The following SUN5 variants were observed in gnomAD, a reference collection of about 807,000 sequenced individuals.
SUN5 encodes the protein Sad1 and UNC84 domain containing 5, also known as SUN domain-containing protein 5.
A neutral mutation model predicts 53.7 loss-of-function variants in SUN5; 44 were observed. The ratio of observed to expected loss-of-function variants is 0.82; its 90% CI spans 0.64 to 1.05. The LOEUF (loss-of-function observed/expected upper bound fraction) is 1.05, where lower values mean the gene tolerates loss of function less well. Ranked by LOEUF, SUN5 falls within the 50% of genes least tolerant of loss-of-function variation. The probability of loss-of-function intolerance (pLI) is 0.00; values close to 1 mark genes in which losing one functional copy is unlikely to be tolerated. For synonymous variants in SUN5, 166 were observed against 179.8 expected (o/e 0.92, Z 0.62); for missense variants, 433 against 483.8 (o/e 0.90, Z 0.98).
At chr20:32,990,129 A>G (rs1989674052) in intron 8 of SUN5, among the ~76,000 whole-genome samples, 1 of 152,140 alleles carries the variant, frequency 6.6e-6, no homozygotes, top group African/African-American at 2.4e-5. Flanking sequence ...GGCTTCACAT[A>G]TGCTCACCCT....
At chr20:33,001,534 C>CTTTCTTTCT (rs1568970852) in intron 3 of SUN5, among the ~76,000 whole-genome samples, 1 of 134,174 alleles carries the variant, frequency 7.5e-6, no homozygotes, top group Admixed American at 6.9e-5. Context: ...TTCTTTCTTT[C>CTTTCTTTCT]TTTCTTTCTT....
intron 6 of SUN5, among the ~76,000 whole-genome samples, chr20:32,997,024 T>C (rs945971468): frequency 6.6e-6 from 1 of 152,224 alleles, no homozygotes; most frequent in East Asian, 1.9e-4. Flanking sequence ...GAGACAGTCA[T>C]GACCACAGAA....
intron 10 of SUN5, 64 bp downstream of exon 10, chr20:32,987,596 C>A: frequency 1.4e-6 from 2 of 1,396,032 alleles, no homozygotes; most frequent in Non-Finnish European, 2.0e-6. Flanking sequence ...CTGCCAGCTC[C>A]TGTCCCCAAA....
intron 1 of SUN5, among the ~76,000 whole-genome samples, chr20:33,003,430 C>A (rs1227356612): frequency 6.6e-6 from 1 of 152,092 alleles, no homozygotes; most frequent in East Asian, 1.9e-4. Flanking sequence ...TGCGTGACAC[C>A]TGAAACTGTG....
intron 9 of SUN5, among the ~76,000 whole-genome samples, chr20:32,988,019 G>A (rs759094076): frequency 2.6e-5 from 4 of 151,992 alleles, no homozygotes; most frequent in Non-Finnish European, 5.9e-5. Flanking sequence ...TTGCAGTGGC[G>A]CGATCTTGGC....
At chr20:32,988,961 T>TG (rs1299545654) in intron 9 of SUN5, among the ~76,000 whole-genome samples, 2 of 151,910 alleles carry the variant, frequency 1.3e-5, no homozygotes, top group Non-Finnish European at 2.9e-5. Flanking sequence ...AGTCTCTCTC[T>TG]GTCGCCCAGG....
intron 12 of SUN5, among the ~76,000 whole-genome samples, chr20:32,984,476 G>A (rs1332318266): frequency 6.6e-6 from 1 of 152,184 alleles, no homozygotes; most frequent in East Asian, 1.9e-4. Flanking sequence ...AAAAAGTGGG[G>A]CGGGCTTGGC....
intron 7 of SUN5, 50 bp downstream of exon 7, chr20:32,996,274 T>C (rs778484380): frequency 1.9e-6 from 3 of 1,594,800 alleles, no homozygotes; most frequent in African/African-American, 2.7e-5. Flanking sequence ...ATTCTGGCTA[T>C]AGCTCTGCTT....
intron 3 of SUN5, among the ~76,000 whole-genome samples, chr20:33,001,566 T>TTTCTTTCCTTC (rs1568970962): frequency 8.8e-5 from 4 of 45,636 alleles, no homozygotes; most frequent in Admixed American, 2.5e-4. Context: ...TTCTTTCTTT[T>TTTCTTTCCTTC]CTTCCTTCCT....
chr20:32,997,212 CA>C (rs752454222), intron 6 of SUN5, among the ~76,000 whole-genome samples: 18 of 152,192 alleles, frequency 1.2e-4, no homozygotes, highest in Non-Finnish European at 2.1e-4. Flanking sequence ...AGACTTTTTG[CA>C]GACCTCATGT....
intron 5 of SUN5, chr20:32,999,767 G>T: frequency 2.8e-6 from 2 of 722,308 alleles, no homozygotes; most frequent in Non-Finnish European, 4.4e-6. Flanking sequence ...TCCTTTGCTT[G>T]GGAAAGCTAA....
At chr20:32,986,507 C>G (rs1332255462) in intron 10 of SUN5, among the ~76,000 whole-genome samples, 2 of 152,140 alleles carry the variant, frequency 1.3e-5, no homozygotes, top group Non-Finnish European at 2.9e-5. Flanking sequence ...CATGGACAGT[C>G]CTTATTTGAA....
In SUN5 at chr20:32,989,643, G is replaced by C; in HGVS notation, c.590C>G (p.Pro197Arg). The part of the protein sequence containing the change: ...KMIHGDYIEK[P>R]DFALKSIGAS... ...ACCTATAGACTTCAGGGCAAAGTCT[G>C]GCTTTTCGATGTAATCTCCGTGTAT... Residue 197 changes from proline (P) to arginine (R), a missense_variant, in exon 9 of 13, where the codon CCA (proline) becomes CGA (arginine). By Grantham distance (103) the Pro-to-Arg change is moderately radical. Transcript: ENST00000356173. The C allele has an allele frequency of 6.2e-7, 1 of 1,614,000 alleles. No homozygotes were observed. Among genetic ancestry groups the C allele is most frequent in the Non-Finnish European group, 8.5e-7 (1 of 1,180,006 alleles).
chr20:32,990,143 C>T (rs1386727421), intron 8 of SUN5, among the ~76,000 whole-genome samples: 1 of 152,136 alleles, frequency 6.6e-6, no homozygotes, highest in African/African-American at 2.4e-5. Context: ...TCACCCTATC[C>T]CCTCCCAGCA....
intron 3 of SUN5, among the ~76,000 whole-genome samples, chr20:33,001,507 TTTTCTTTCTTTCTTCTTTC>T (rs1443778898): frequency 3.3e-4 from 9 of 27,068 alleles, no homozygotes; most frequent in East Asian, 1.6e-3. Flanking sequence ...TTAACAGACA[TTTTCTTTCTTTCTTCTTTC>T]TTTCTTTCTT....
At chr20:32,984,192 T>C (rs902200740) in intron 12 of SUN5, among the ~76,000 whole-genome samples, 7 of 152,144 alleles carry the variant, frequency 4.6e-5, no homozygotes, top group Admixed American at 4.6e-4. Flanking sequence ...TGCTGTGGGA[T>C]CTTGGGCAAA....
chr20:33,004,312 TC>T lies in SUN5; in HGVS notation c.28del (p.Asp10ThrfsTer36). 6.4e-7 allele frequency: 1 copy of T among 1,573,910 alleles called. No homozygotes were observed. Among genetic ancestry groups the T allele is most frequent in the Non-Finnish European group, 8.6e-7 (1 of 1,159,336 alleles). On this transcript the variant is annotated frameshift_variant, in exon 1 of 13. Transcript: ENST00000356173. LOFTEE classifies it high-confidence loss of function. MPRSSRSPG[D>X]PGALLEDVAH... ...CACATCTTCGAGTAGGGCGCCTGGG[TC>T]CCCAGGGCTCCTTGAGGACCGTGGC...
chr20:32,998,173 T>TAAAAA (rs1989902077), intron 5 of SUN5, among the ~76,000 whole-genome samples: 1 of 22,304 alleles, frequency 4.5e-5, no homozygotes, highest in Non-Finnish European at 8.6e-5. Flanking sequence ...ACCCCATCTC[T>TAAAAA]ACAAAAAAAA....
rs150764014 is a variant in SUN5, at chr20:33,004,281, G to A, written c.60C>T (p.His20=). 1.9e-6 allele frequency: 3 copies of A among 1,578,374 alleles called. No individual in the cohort carries two copies. Among genetic ancestry groups the A allele is most frequent in the East Asian group, 4.6e-5 (2 of 43,310 alleles). ...DPGALLEDVA[H]NPRPRRIAQR... ...ATCCTCACCTCCGGGGTCTGGGATT[G>A]TGGGCCACATCTTCGAGTAGGGCGC... Residue 20 remains histidine, a synonymous_variant, in exon 1 of 13, where the codon CAC becomes CAT. Coordinates refer to ENST00000356173, the MANE Select transcript of SUN5 (RefSeq NM_080675.4).
Sources: allele counts gnomAD v4.1 joint callset (sites outside exome capture counted in the v4.1 genomes callset), GRCh38; gene constraint gnomAD v4.1.1; transcripts MANE v1.5; gene names NCBI Gene and HGNC (gene_info 2026-07-23, HGNC 2026-07-21).